Variants in UNC79 observed in about 807,000 individuals in gnomAD.
UNC79 encodes unc-79 subunit of NALCN channel complex.
In UNC79, 37 loss-of-function variants were observed where a neutral mutation model predicts 283.1. The ratio of observed to expected loss-of-function variants is 0.13; its 90% CI spans 0.10 to 0.17. The LOEUF (loss-of-function observed/expected upper bound fraction) is 0.17. Ranked by LOEUF, UNC79 falls within the 10% of genes least tolerant of loss-of-function variation. The probability of loss-of-function intolerance (pLI) is 1.00; values close to 1 mark genes in which losing one functional copy is unlikely to be tolerated. For synonymous variants in UNC79, 1,107 were observed against 1,200.2 expected, an observed-to-expected ratio of 0.92 and a Z score of 1.61; for missense variants, 2,272 against 3,211.1, an observed-to-expected ratio of 0.71 and a Z score of 7.07.
chr14:93,687,302 A>C (rs2074319558), intron 43 of UNC79, among the ~76,000 whole-genome samples: 1 of 152,210 alleles, frequency 6.6e-6, no homozygotes, highest in Non-Finnish European at 1.5e-5. Flanking sequence ...TATGGACAAA[A>C]TCCCAGTGAA....
At chr14:93,692,577 G>A (rs2074780792) in intron 46 of UNC79, among the ~76,000 whole-genome samples, 1 of 152,146 alleles carries the variant, frequency 6.6e-6, no homozygotes, top group African/African-American at 2.4e-5. Flanking sequence ...CTGACTACAG[G>A]TGTTCATTCC....
chr14:93,466,371 C>T (rs555892546), intron 1 of UNC79, among the ~76,000 whole-genome samples: 26 of 152,304 alleles, frequency 1.7e-4, no homozygotes, highest in Admixed American at 1.1e-3. Context: ...GTCACGTTCA[C>T]GTGGACATAA....
chr14:93,653,752 C>T (rs1463619143), exon 36 of UNC79: 1 of 1,612,968 alleles, frequency 6.2e-7, no homozygotes, highest in African/African-American at 1.3e-5. Flanking sequence ...CATGATGGTT[C>T]CCGGCAATGC....
chr14:93,360,502 T>G (rs2054198344), intron 1 of UNC79, among the ~76,000 whole-genome samples: 1 of 152,206 alleles, frequency 6.6e-6, no homozygotes. Context: ...CTTGAGCAAA[T>G]TAACACATTT....
upstream of UNC79, among the ~76,000 whole-genome samples, chr14:93,426,205 G>A (rs1402380999): frequency 1.3e-5 from 2 of 151,962 alleles, no homozygotes; most frequent in Non-Finnish European, 2.9e-5. Context: ...TTGCATTGAT[G>A]TTCCCTGTAT....
intron 7 of UNC79, among the ~76,000 whole-genome samples, chr14:93,523,399 T>A (rs1415425090): frequency 6.6e-6 from 1 of 152,178 alleles, no homozygotes; most frequent in Non-Finnish European, 1.5e-5. Flanking sequence ...AGTCTCCATG[T>A]TTGTTGGGGA....
chr14:93,662,590 C>T lies in UNC79; in HGVS notation c.6526-14C>T. 1 of 1,573,406 alleles carries T rather than the reference C, an allele frequency of 6.4e-7. No homozygotes were observed. The highest frequency in any genetic ancestry group is 1.7e-5 in the Admixed American group (1 of 58,976). ...ATCAGCAATTGACTTTATTTGGCCCCAATCTCATTGCAGAGTTTGTTGGAA... is the reference window on the plus strand; with the variant it reads ...ATCAGCAATTGACTTTATTTGGCCCTAATCTCATTGCAGAGTTTGTTGGAA... On this transcript the variant is annotated splice_polypyrimidine_tract_variant and intron_variant, in intron 39 of 48. Coordinates refer to ENST00000555664, the Ensembl canonical transcript of UNC79.
intron 35 of UNC79, among the ~76,000 whole-genome samples, chr14:93,648,503 G>C (rs2069880448): frequency 6.6e-6 from 1 of 152,104 alleles, no homozygotes; most frequent in African/African-American, 2.4e-5. Flanking sequence ...TTTGCTGATA[G>C]ATTGGATGTT....
chr14:93,483,335 G>A (rs950908579), intron 4 of UNC79, among the ~76,000 whole-genome samples: 3 of 152,112 alleles, frequency 2.0e-5, no homozygotes, highest in Admixed American at 6.6e-5. Context: ...GTGCTGTCCA[G>A]TAGAGTAGCC....
intron 1 of UNC79, among the ~76,000 whole-genome samples, chr14:93,401,999 C>T (rs921746956): frequency 8.5e-5 from 13 of 152,116 alleles, no homozygotes; most frequent in African/African-American, 2.4e-4. Context: ...CAGCATAGGC[C>T]GGGTATGGTG....
chr14:93,434,033 G>A (rs908495837), intron 1 of UNC79, among the ~76,000 whole-genome samples: 1 of 152,062 alleles, frequency 6.6e-6, no homozygotes, highest in Non-Finnish European at 1.5e-5. Context: ...GACCAACATG[G>A]AGAAACCCCA....
chr14:93,450,853 T>G (rs1214293010), intron 1 of UNC79, among the ~76,000 whole-genome samples: 1 of 152,188 alleles, frequency 6.6e-6, no homozygotes, highest in African/African-American at 2.4e-5. Context: ...GTTTTAACTC[T>G]TTTGGTTTTG....
At chr14:93,485,238 G>A (rs1419373339) in intron 4 of UNC79, among the ~76,000 whole-genome samples, 4 of 71,126 alleles carry the variant, frequency 5.6e-5, no homozygotes, top group South Asian at 5.1e-4. Flanking sequence ...ATATATACGT[G>A]TGTGTGTGTG....
At chr14:93,660,439 T>C (rs2071414272) in intron 39 of UNC79, among the ~76,000 whole-genome samples, 1 of 149,508 alleles carries the variant, frequency 6.7e-6, no homozygotes, top group Admixed American at 6.7e-5. Context: ...AGGCTTCTCT[T>C]TTTGACCAAT....
At chr14:93,347,424 C>A in intron 1 of UNC79, 1 of 1,450,194 alleles carries the variant, frequency 6.9e-7, no homozygotes, top group Middle Eastern at 2.4e-4. Context: ...TCATGGTGGG[C>A]GGGAAGCGCG....
At chr14:93,464,461 T>C (rs1192047413) in intron 1 of UNC79, 3 of 453,286 alleles carry the variant, frequency 6.6e-6, no homozygotes, top group Non-Finnish European at 1.3e-5. Context: ...TGGATTAGGG[T>C]CCACCACGGA....
chr14:93,607,140 C>A (rs1236089502), intron 26 of UNC79, among the ~76,000 whole-genome samples: 1 of 151,986 alleles, frequency 6.6e-6, no homozygotes, highest in Non-Finnish European at 1.5e-5. Flanking sequence ...GCTGTAAGAA[C>A]CAGGAAATTT....
intron 13 of UNC79, among the ~76,000 whole-genome samples, chr14:93,541,479 T>A (rs561247983): frequency 6.2e-4 from 95 of 152,200 alleles, no homozygotes; most frequent in Non-Finnish European, 1.1e-3. Flanking sequence ...TAGTGATATA[T>A]CTCTATTGTG....
chr14:93,568,317 T>C (rs989795369), intron 14 of UNC79, among the ~76,000 whole-genome samples: 2 of 152,110 alleles, frequency 1.3e-5, no homozygotes, highest in Non-Finnish European at 2.9e-5. Context: ...CTGTCTCACA[T>C]AGACATACAC....
Sources: gnomAD v4.1 joint callset for allele counts (sites outside exome capture counted in the v4.1 genomes callset) on GRCh38, gnomAD v4.1.1 for gene constraint, MANE v1.5 for transcripts, NCBI Gene and HGNC (gene_info 2026-07-23, HGNC 2026-07-21) for gene names.